Variants in PAPPA2 observed in about 807,000 individuals in gnomAD.
PAPPA2 encodes pappalysin 2, also known as pappalysin-2.
In PAPPA2, 86 loss-of-function variants were observed where a neutral mutation model predicts 176.4. The ratio of observed to expected loss-of-function variants is 0.49; its 90% CI spans 0.41 to 0.58. The LOEUF is 0.58. PAPPA2 is among the 20% of genes least tolerant of loss of function. PAPPA2 has a pLI of 0.00. For synonymous variants in PAPPA2, 809 were observed against 852.2 expected, an observed-to-expected ratio of 0.95 and a Z score of 0.88; for missense variants, 2,073 against 2,256.9, an observed-to-expected ratio of 0.92 and a Z score of 1.65.
chr1:176,768,501 A>G (rs531072194), intron 15 of PAPPA2, among the ~76,000 whole-genome samples: 31 of 152,334 alleles, frequency 2.0e-4, no homozygotes, highest in Admixed American at 5.9e-4. Context: ...TCCAACCATT[A>G]CAGAAGGGGA....
intron 21 of PAPPA2, 58 bp from the exon 22 acceptor site, chr1:176,840,113 CAG>C: frequency 7.5e-7 from 1 of 1,338,702 alleles, no homozygotes; most frequent in South Asian, 1.2e-5. Context: ...GGAGGAGTGG[CAG>C]AGTCAAACAA....
intron 1 of PAPPA2, among the ~76,000 whole-genome samples, chr1:176,488,087 T>A (rs6676641): frequency 6.6e-6 from 1 of 151,978 alleles, no homozygotes; most frequent in Non-Finnish European, 1.5e-5. Context: ...TGCATGATAT[T>A]GTTGTTTCTC....
At chr1:176,816,989 A>T (rs980923365) in intron 21 of PAPPA2, among the ~76,000 whole-genome samples, 1 of 152,148 alleles carries the variant, frequency 6.6e-6, no homozygotes, top group East Asian at 1.9e-4. Flanking sequence ...TGAATGAATC[A>T]TGTTAGATCC....
At chr1:176,642,036 G>T (rs1657123829) in intron 3 of PAPPA2, among the ~76,000 whole-genome samples, 1 of 151,868 alleles carries the variant, frequency 6.6e-6, no homozygotes, top group African/African-American at 2.4e-5. Context: ...GAAGCAGAAA[G>T]ATTTCATGTT....
chr1:176,685,557 T>C (rs183872912), intron 4 of PAPPA2, among the ~76,000 whole-genome samples: 1 of 152,338 alleles, frequency 6.6e-6, no homozygotes, highest in Admixed American at 6.5e-5. Flanking sequence ...TGAATATTAA[T>C]ATAAAATGGT....
chr1:176,696,735 A>T (rs932952803), intron 7 of PAPPA2, among the ~76,000 whole-genome samples: 1 of 152,162 alleles, frequency 6.6e-6, no homozygotes, highest in Non-Finnish European at 1.5e-5. Context: ...TTATTAAGAC[A>T]CTAGAAACAA....
chr1:176,551,941 G>A (rs772886433), intron 1 of PAPPA2, among the ~76,000 whole-genome samples: 26 of 152,146 alleles, frequency 1.7e-4, no homozygotes, highest in Non-Finnish European at 1.0e-4. Flanking sequence ...GAGGGAAAGC[G>A]GAGGGAAGAG....
chr1:176,591,118 C>CACAG (rs1653636238), intron 2 of PAPPA2, among the ~76,000 whole-genome samples: 1 of 149,938 alleles, frequency 6.7e-6, no homozygotes, highest in African/African-American at 2.5e-5. Context: ...CACACACACA[C>CACAG]ACACACAAAA....
chr1:176,718,985 C>T (rs1185433700), intron 12 of PAPPA2, among the ~76,000 whole-genome samples: 1 of 151,948 alleles, frequency 6.6e-6, no homozygotes, highest in Middle Eastern at 3.4e-3. Flanking sequence ...CTGTTTCCAT[C>T]GGGTACTGAG....
intron 1 of PAPPA2, among the ~76,000 whole-genome samples, chr1:176,507,916 A>T (rs546066066): frequency 4.3e-4 from 65 of 152,122 alleles, no homozygotes; most frequent in African/African-American, 1.4e-3. Flanking sequence ...GTTGAAATTT[A>T]AAAAAAATTA....
rs534624713 is a variant in PAPPA2, at chr1:176,599,286, TA to T, written c.1991+3692del. On this transcript the variant is annotated intron_variant, in intron 3 of 22. Transcript: ENST00000367662. ...TTGTTACACTAGGGATTTGTAAGAT[TA>T]TTTTTTAGGGATTGCCTTTTATTGT... Among the ~76,000 whole-genome samples, 268 of 152,208 alleles carry T rather than the reference TA, an allele frequency of 1.8e-3. 3 individuals carry two copies. Among genetic ancestry groups the T allele is most frequent in the African/African-American group, 6.2e-3 (256 of 41,558 alleles).
intron 2 of PAPPA2, among the ~76,000 whole-genome samples, chr1:176,577,322 G>A (rs1259747679): frequency 2.0e-5 from 3 of 152,106 alleles, no homozygotes; most frequent in Admixed American, 6.5e-5. Context: ...CCCTGCACAC[G>A]GGTGGCCTAA....
In PAPPA2 at chr1:176,842,354, T is replaced by C. The variant is rs1478078593; in HGVS notation, c.5302-26T>C. ...GTGAAGCTATCACAGAAATGAGCTA[T>C]TTCTACTTCCCTTTCATTCCCCTAG... On this transcript the variant is annotated intron_variant, in intron 22 of 22. Transcript: ENST00000367662. 4 of 1,600,478 alleles carry C rather than the reference T, an allele frequency of 2.5e-6. No homozygotes were observed. In the African/African-American group the frequency reaches 5.4e-5, roughly 21 times the overall value.
intron 12 of PAPPA2, among the ~76,000 whole-genome samples, chr1:176,721,392 C>T (rs7526727): frequency 0.22 from 33,224 of 152,150 alleles, 4,186 homozygotes; most frequent in African/African-American, 0.34. Context: ...ATCCTTTCTA[C>T]ATTTCTATGC....
At chr1:176,580,238 C>A (rs534977145) in intron 2 of PAPPA2, among the ~76,000 whole-genome samples, 8 of 152,290 alleles carry the variant, frequency 5.3e-5, no homozygotes, top group African/African-American at 1.9e-4. Flanking sequence ...TAAGCTTCTG[C>A]ATATGAATGA....
chr1:176,711,989 G>T lies in PAPPA2; in HGVS notation c.3798+8G>T. Reference sequence around the variant, plus strand: ...GATGAGGTTTGGCTCAAAGTAAGTGGCCCAAATGTTTCTTTTGTGCATGTG... The same window carrying T: ...GATGAGGTTTGGCTCAAAGTAAGTGTCCCAAATGTTTCTTTTGTGCATGTG... On this transcript the variant is annotated splice_region_variant and intron_variant, in intron 12 of 22. Transcript: ENST00000367662. The T allele has an allele frequency of 6.2e-7, 1 of 1,605,914 alleles. No individual in the cohort carries two copies. Among genetic ancestry groups the T allele is most frequent in the Non-Finnish European group, 8.5e-7 (1 of 1,173,246 alleles).
At chr1:176,808,751 A>T (rs1225318911) in intron 21 of PAPPA2, among the ~76,000 whole-genome samples, 1 of 152,276 alleles carries the variant, frequency 6.6e-6, no homozygotes, top group South Asian at 2.1e-4. Flanking sequence ...AGGCATTAGA[A>T]AATACAGAAC....
At position 176,699,248 on chromosome 1, in the gene PAPPA2, C is replaced by T. The variant is rs1222563703; in HGVS notation, c.2895C>T (p.Thr965=). 1 of 1,614,012 alleles carries T rather than the reference C, an allele frequency of 6.2e-7. No homozygotes were observed. Among genetic ancestry groups the T allele is most frequent in the Non-Finnish European group, 8.5e-7 (1 of 1,180,026 alleles). ...TCCAACACCCGGTCCAAGCCGACAC[C>T]CTCACCCTGTGGGTCACTTCCTTCT... The part of the protein sequence containing the change: ...LLFQHPVQAD[T]LTLWVTSFFM... Residue 965 remains threonine (T), a synonymous_variant, in exon 8 of 23, where the codon ACC becomes ACT. Transcript: ENST00000367662.
rs772144931 is a variant in PAPPA2, at chr1:176,695,894, G to T, written c.2746+35G>T. The T allele has an allele frequency of 1.4e-5, 22 of 1,609,260 alleles. No individual in the cohort carries two copies. In the South Asian group the frequency reaches 2.3e-4, roughly 17 times the overall value. ...CATGACATTTTTTCTTTATACCCTG[G>T]TGACCACTGAGGATGGGGGTGGAGG... On this transcript the variant is annotated intron_variant, in intron 7 of 22. Coordinates refer to ENST00000367662, the MANE Select transcript of PAPPA2 (RefSeq NM_020318.3).
Sources: allele counts gnomAD v4.1 joint callset (sites outside exome capture counted in the v4.1 genomes callset), GRCh38; gene constraint gnomAD v4.1.1; transcripts MANE v1.5; gene names NCBI Gene and HGNC (gene_info 2026-07-23, HGNC 2026-07-21).